The following ZNF555 variants were observed in gnomAD, a reference collection of about 807,000 sequenced individuals.
The protein encoded by ZNF555 is zinc finger protein 555.
A neutral mutation model predicts 14.0 loss-of-function variants in ZNF555; 10 were observed. That is an observed-to-expected ratio of 0.72 (90% CI 0.44 to 1.21). The LOEUF (loss-of-function observed/expected upper bound fraction) is 1.21. Among genes scored for constraint, ZNF555 ranks in the 50% most tolerant of loss-of-function variants. ZNF555 has a pLI of 0.00. For synonymous variants in ZNF555, 277 were observed against 262.4 expected (o/e 1.06, Z -0.54); for missense variants, 747 against 762.0 (o/e 0.98, Z 0.23).
Position 2,853,650 on chromosome 19 carries a change from A to T in ZNF555, c.1585A>T (p.Thr529Ser). The T allele has an allele frequency of 6.3e-7, 1 of 1,596,708 alleles. No individual in the cohort carries two copies. Among genetic ancestry groups the T allele is most frequent in the Non-Finnish European group, 8.5e-7 (1 of 1,171,798 alleles). The change falls in exon 4 of 4, where the codon ACG becomes TCG. Residue 529 changes from threonine (T) to serine (S), a missense_variant. Transcript: ENST00000334241. ...TGAACTTTTGCAACAACATGTGAGA[A>T]CGCACACTGTAGAGAAGCCCTATGA... is the stretch of plus-strand genomic sequence containing the variant. Reference protein sequence around the residue: ...WPELLQQHVRTHTVEKPYECK... With the variant: ...WPELLQQHVRSHTVEKPYECK...
intron 1 of ZNF555, among the ~76,000 whole-genome samples, chr19:2,842,213 G>T (rs965787313): frequency 6.6e-6 from 1 of 152,204 alleles, no homozygotes; most frequent in African/African-American, 2.4e-5. Context: ...CCTGGGGCGT[G>T]CGAGGTTTCC....
rs747195894 is a variant in ZNF555, at chr19:2,852,529, G to A, written c.464G>A (p.Arg155His). Residue 155 changes from arginine to histidine, a missense_variant, in exon 4 of 4, where the codon CGC (arginine) becomes CAC (histidine). Coordinates refer to ENST00000334241, the MANE Select transcript of ZNF555 (RefSeq NM_152791.5). The part of the protein sequence containing the change: ...YNTYGKVFMH[R>H]RTSLKSPITV... ...ACGTACGGAAAAGTCTTCATGCATC[G>A]CCGCACATCCCTCAAGAGTCCCATC... 5.6e-6 allele frequency: 9 copies of A among 1,613,856 alleles called. No individual in the cohort carries two copies. The highest frequency in any genetic ancestry group is 1.7e-5 in the Admixed American group (1 of 59,990).
Position 2,858,339 on chromosome 19 carries a change from A to G in ZNF555, c.*4387A>G, listed in dbSNP as rs778149955. 3 of 152,244 alleles carry G rather than the reference A, an allele frequency of 2.0e-5. No homozygotes were observed. The highest frequency in any genetic ancestry group is 4.4e-5 in the Non-Finnish European group (3 of 68,064). The allele number at this position is 152,244 out of a possible 1,614,324, so 9.4% of individuals were successfully genotyped here. A position where few individuals can be genotyped will look rare whatever the true frequency, so the allele number is the denominator to read the frequency against. ...CCATACCTGACTTTATCTCACGCAC[A>G]TAACAGGAGAGAAGAAGGAGGTCTT... On this transcript the variant is annotated 3_prime_UTR_variant, in exon 4 of 4. Transcript: ENST00000334241.
intron 1 of ZNF555, among the ~76,000 whole-genome samples, chr19:2,842,789 T>A (rs568010453): frequency 3.3e-5 from 5 of 152,158 alleles, no homozygotes; most frequent in African/African-American, 1.2e-4. Flanking sequence ...AAGCCTGTCA[T>A]CCCAGCACTG....
intron 1 of ZNF555, among the ~76,000 whole-genome samples, chr19:2,849,908 G>A (rs1024126931): frequency 1.3e-5 from 2 of 152,142 alleles, no homozygotes; most frequent in Non-Finnish European, 2.9e-5. Flanking sequence ...GTGAGAGAGA[G>A]AGAACCCAGA....
rs190916386 is a variant in ZNF555 at position 2,857,516 on chromosome 19, C to G, written c.*3564C>G. ...GCAAAGATAAGGGAAACGAACAAAT[C>G]GCTGGTTAGAAGTAGGGGATTTGAG... On this transcript the variant is annotated 3_prime_UTR_variant, in exon 4 of 4. Transcript: ENST00000334241. 7.9e-5 allele frequency: 12 copies of G among 152,258 alleles called. No homozygotes were observed. Among genetic ancestry groups the G allele is most frequent in the Non-Finnish European group, 1.6e-4 (11 of 68,016 alleles). 9.4% of individuals were successfully genotyped at this position (152,258 alleles called of 1,614,324 possible).
At position 2,853,635 on chromosome 19, in the gene ZNF555, C is replaced by G; in HGVS notation, c.1570C>G (p.Gln524Glu). ...GKAFSWPELL[Q>E]QHVRTHTVEK... ...AGCTTTCAGTTGGCCTGAACTTTTG[C>G]AACAACATGTGAGAACGCACACTGT... The change falls in exon 4 of 4, where the codon CAA (glutamine) becomes GAA (glutamate). Residue 524 changes from glutamine to glutamate, a missense_variant. Gln to Glu is a conservative substitution (Grantham distance 29, BLOSUM62 2). Coordinates refer to ENST00000334241, the MANE Select transcript of ZNF555 (RefSeq NM_152791.5). 1 of 1,602,682 alleles carries G rather than the reference C, an allele frequency of 6.2e-7. No individual in the cohort carries two copies. Among genetic ancestry groups the G allele is most frequent in the Non-Finnish European group, 8.5e-7 (1 of 1,174,444 alleles).
intron 1 of ZNF555, 53 bp downstream of exon 1, chr19:2,841,628 C>G: frequency 6.9e-7 from 1 of 1,455,486 alleles, no homozygotes; most frequent in Non-Finnish European, 9.1e-7. Context: ...AACCGGCGAC[C>G]GCCCGAGACC....
chr19:2,852,845 A>G lies in ZNF555; in HGVS notation c.780A>G (p.Glu260=). 1 of 1,614,226 alleles carries G rather than the reference A, an allele frequency of 6.2e-7. No individual in the cohort carries two copies. Among genetic ancestry groups the G allele is most frequent in the Non-Finnish European group, 8.5e-7 (1 of 1,180,034 alleles). ...HTGEKPYKCK[E]CGKAFSYSST... is the part of the protein sequence containing the mutation. ...GAGAGAAGCCATATAAGTGTAAGGA[A>G]TGTGGGAAAGCTTTCAGTTATTCCT... is the stretch of plus-strand genomic sequence containing the variant. The change falls in exon 4 of 4, where the codon GAA becomes GAG. Residue 260 remains glutamate, a synonymous_variant. Coordinates refer to ENST00000334241, the MANE Select transcript of ZNF555 (RefSeq NM_152791.5).
Position 2,850,593 on chromosome 19 carries a change from G to A in ZNF555, c.10G>A (p.Val4Met), listed in dbSNP as rs1327595497. 1 of 1,613,654 alleles carries A rather than the reference G, an allele frequency of 6.2e-7. No homozygotes were observed. The highest frequency in any genetic ancestry group is 1.7e-5 in the Admixed American group (1 of 59,984). Residue 4 changes from valine (V) to methionine (M), a missense_variant, in exon 2 of 4, where the codon GTG becomes ATG. Coordinates refer to ENST00000334241, the MANE Select transcript of ZNF555 (RefSeq NM_152791.5). ...ATATGTTGAATTGTTTTAGGACTCA[G>A]TGGTCTTTGAGGATGTGGCTGTGGA... MDS[V>M]VFEDVAVDFT...
Position 2,853,752 on chromosome 19 carries a change from C to G in ZNF555, c.1687C>G (p.Pro563Ala). 6.2e-7 allele frequency: 1 copy of G among 1,602,418 alleles called. No homozygotes were observed. Among genetic ancestry groups the G allele is most frequent in the Non-Finnish European group, 8.5e-7 (1 of 1,174,206 alleles). Reference sequence around the variant, plus strand: ...TATGAGACTGCACACTGGAGAGAAACCTTATCAATGTAAGCATTGTGGGAA... The same window carrying G: ...TATGAGACTGCACACTGGAGAGAAAGCTTATCAATGTAAGCATTGTGGGAA... ...IHMRLHTGEK[P>A]YQCKHCGKAF... The change falls in exon 4 of 4, where the codon CCT becomes GCT. Residue 563 changes from proline to alanine, a missense_variant. Coordinates refer to ENST00000334241, the MANE Select transcript of ZNF555 (RefSeq NM_152791.5).
At position 2,841,566 on chromosome 19, in the gene ZNF555, C is replaced by G. The variant is rs1248407609; in HGVS notation, c.-7C>G. ...CTGCGCCGGTAGCGAAGAAATCGCCCCGGGACATGGTGAGTGTGGCGCAGG... is the reference window on the plus strand; with the variant it reads ...CTGCGCCGGTAGCGAAGAAATCGCCGCGGGACATGGTGAGTGTGGCGCAGG... On this transcript the variant is annotated 5_prime_UTR_variant, in exon 1 of 4. Coordinates refer to ENST00000334241, the MANE Select transcript of ZNF555 (RefSeq NM_152791.5). The G allele has an allele frequency of 1.3e-6, 2 of 1,544,040 alleles. No homozygotes were observed. Among genetic ancestry groups the G allele is most frequent in the African/African-American group, 1.4e-5 (1 of 72,156 alleles).
rs2087689620 is a variant in ZNF555, at chr19:2,857,132, A to G, written c.*3180A>G. 6.6e-6 allele frequency: 1 copy of G among 152,224 alleles called. No individual in the cohort carries two copies. The highest frequency in any genetic ancestry group is 2.4e-5 in the African/African-American group (1 of 41,464). 9.4% of individuals were successfully genotyped at this position (152,224 alleles called of 1,614,324 possible). On this transcript the variant is annotated 3_prime_UTR_variant, in exon 4 of 4. Coordinates refer to ENST00000334241, the MANE Select transcript of ZNF555 (RefSeq NM_152791.5). ...ACATGTAACACCTTAGAGTTTTATT[A>G]AAGAGCAAACAATATCCAGTAATCT...
intron 1 of ZNF555, among the ~76,000 whole-genome samples, chr19:2,844,093 C>T (rs1287138647): frequency 7.6e-6 from 1 of 131,964 alleles, no homozygotes; most frequent in Non-Finnish European, 1.6e-5. Flanking sequence ...CTCTCTCTCT[C>T]TTTTCTTTTT....
rs547761007 is a variant in ZNF555, at chr19:2,853,177, A to G, written c.1112A>G (p.Lys371Arg). The stretch of plus-strand genomic sequence containing the variant: ...ACTGGAGAGAAACCCTACGAATGCA[A>G]ACAGTGTGGGAAGACCTTCATTTAT... ...IHTGEKPYECKQCGKTFIYPQ... is the reference protein window; with the variant it reads ...IHTGEKPYECRQCGKTFIYPQ... The change falls in exon 4 of 4, where the codon AAA (lysine) becomes AGA (arginine). Residue 371 changes from lysine (K) to arginine (R), a missense_variant. Lys to Arg is a conservative substitution (Grantham distance 26). Coordinates refer to ENST00000334241, the MANE Select transcript of ZNF555 (RefSeq NM_152791.5). 6.2e-7 allele frequency: 1 copy of G among 1,614,186 alleles called. No homozygotes were observed. Among genetic ancestry groups the G allele is most frequent in the African/African-American group, 1.3e-5 (1 of 75,054 alleles).
intron 1 of ZNF555, among the ~76,000 whole-genome samples, chr19:2,848,750 T>C (rs371262806): frequency 1.1e-4 from 17 of 152,296 alleles, no homozygotes; most frequent in East Asian, 5.8e-4. Flanking sequence ...ATCTGGCCAG[T>C]ACCCAGGATT....
At chr19:2,852,075 G>C (rs1177844821) in intron 3 of ZNF555, among the ~76,000 whole-genome samples, 1 of 151,972 alleles carries the variant, frequency 6.6e-6, no homozygotes, top group Admixed American at 6.6e-5. Context: ...ATGAACCCAG[G>C]AGGCAGAGGT....
At position 2,853,487 on chromosome 19, in the gene ZNF555, C is replaced by T. The variant is rs2087655393; in HGVS notation, c.1422C>T (p.His474=). The change falls in exon 4 of 4, where the codon CAC becomes CAT. Residue 474 remains histidine, a synonymous_variant. Coordinates refer to ENST00000334241, the MANE Select transcript of ZNF555 (RefSeq NM_152791.5). ...GCTTTCGAGAACATGTGAGAATGCA[C>T]CCTGAAGACAAATCCTATGAATGCA... ...SACFREHVRM[H]PEDKSYECKL... 6.2e-7 allele frequency: 1 copy of T among 1,614,000 alleles called. No individual in the cohort carries two copies. The highest frequency in any genetic ancestry group is 8.5e-7 in the Non-Finnish European group (1 of 1,180,036).
chr19:2,850,686 G>C lies in ZNF555; in HGVS notation c.103G>C (p.Glu35Gln). Residue 35 changes from glutamate to glutamine, a missense_variant, in exon 2 of 4, where the codon GAG becomes CAG. By Grantham distance (29) the Glu-to-Gln change is conservative. Transcript: ENST00000334241. ...QRDLYRDVML[E>Q]TFQNLASVDD... Reference sequence around the variant, plus strand: ...GGACCTCTACAGAGATGTGATGCTGGAGACCTTTCAGAACCTGGCCTCAGT... The same window carrying C: ...GGACCTCTACAGAGATGTGATGCTGCAGACCTTTCAGAACCTGGCCTCAGT... 3 of 1,613,840 alleles carry C rather than the reference G, an allele frequency of 1.9e-6. No homozygotes were observed. The South Asian group carries it at 3.3e-5, about 18-fold the overall frequency.
Sources: allele counts gnomAD v4.1 joint callset (sites outside exome capture counted in the v4.1 genomes callset), GRCh38; gene constraint gnomAD v4.1.1; transcripts MANE v1.5; gene names NCBI Gene and HGNC (gene_info 2026-07-23, HGNC 2026-07-21).